The following GYS2 variants were observed in gnomAD, a reference collection of about 807,000 sequenced individuals.
GYS2 encodes glycogen [starch] synthase, liver.
Under a neutral mutation model 85.6 loss-of-function variants are expected in GYS2, and 80 were observed. That is an observed-to-expected ratio of 0.93 (90% CI 0.78 to 1.13). The LOEUF is 1.13. GYS2 is among the 50% of genes most tolerant of loss of function. The probability of loss-of-function intolerance (pLI) is 0.00; values close to 1 mark genes in which losing one functional copy is unlikely to be tolerated. For missense variants in GYS2, 881 were observed against 854.9 expected (o/e 1.03, Z -0.38); for synonymous variants, 328 against 300.7 (o/e 1.09, Z -0.94).
intron 15 of GYS2, among the ~76,000 whole-genome samples, chr12:21,537,974 C>G (rs984348837): frequency 2.0e-5 from 3 of 152,128 alleles, no homozygotes; most frequent in Non-Finnish European, 4.4e-5. Flanking sequence ...CATGTACAGT[C>G]ATTTTAAGGT....
chr12:21,534,916 G>T (rs1253368775), downstream of GYS2: 1 of 152,130 alleles, frequency 6.6e-6, no homozygotes, highest in Non-Finnish European at 1.5e-5. Flanking sequence ...CAACTATTAT[G>T]TACAAGGCAC....
At chr12:21,589,006 G>C (rs761435293) in intron 1 of GYS2, among the ~76,000 whole-genome samples, 12 of 152,178 alleles carry the variant, frequency 7.9e-5, no homozygotes, top group Non-Finnish European at 1.6e-4. Flanking sequence ...CTCCTCTTCT[G>C]TAGACTTATT....
intron 15 of GYS2, 65 bp from the exon 16 acceptor site, chr12:21,537,240 C>T (rs1420540877): frequency 6.4e-6 from 7 of 1,098,948 alleles, no homozygotes; most frequent in Admixed American, 1.9e-5. Context: ...GATGTAAATA[C>T]TATGCATGCA....
intron 1 of GYS2, among the ~76,000 whole-genome samples, chr12:21,602,399 T>C (rs1944765106): frequency 6.6e-6 from 1 of 152,056 alleles, no homozygotes; most frequent in Non-Finnish European, 1.5e-5. Context: ...ATCTCTAAGA[T>C]ACCTCATATC....
chr12:21,553,363 T>C (rs1420883872), intron 11 of GYS2, among the ~76,000 whole-genome samples: 1 of 152,266 alleles, frequency 6.6e-6, no homozygotes. Flanking sequence ...GGACTTAGTC[T>C]GCTGCCTTCT....
In GYS2 at chr12:21,567,144, G is replaced by A. The variant is rs950153446; in HGVS notation, c.823+1721C>T. On this transcript the variant is annotated intron_variant, in intron 5 of 15. Transcript: ENST00000261195. ...GATGATTTTTGGAAACACAATTTTAGGCCAGAGTTGGAGGTCGGAAGCCAG... is the reference window on the plus strand; with the variant it reads ...GATGATTTTTGGAAACACAATTTTAAGCCAGAGTTGGAGGTCGGAAGCCAG... 4.6e-5 allele frequency among the ~76,000 whole-genome samples: 7 copies of A among 152,234 alleles called. No homozygotes were observed. In the East Asian group the frequency reaches 1.4e-3, roughly 29 times the overall value.
intron 1 of GYS2, among the ~76,000 whole-genome samples, chr12:21,599,642 A>G (rs1944733305): frequency 6.6e-6 from 1 of 152,214 alleles, no homozygotes; most frequent in Non-Finnish European, 1.5e-5. Flanking sequence ...GATGCCATTG[A>G]CATGGCCCAC....
intron 12 of GYS2, 21 bp from the exon 13 acceptor site, chr12:21,542,612 A>C: frequency 6.5e-7 from 1 of 1,549,500 alleles, no homozygotes; most frequent in Non-Finnish European, 8.9e-7. Context: ...AAATAGACCA[A>C]AGCTTGGCTT....
intron 1 of GYS2, among the ~76,000 whole-genome samples, chr12:21,600,923 A>T (rs1191419088): frequency 1.3e-5 from 2 of 152,134 alleles, no homozygotes; most frequent in Non-Finnish European, 2.9e-5. Flanking sequence ...GGAAGCAGGT[A>T]AATTATGTCC....
chr12:21,585,260 A>G (rs1192809016), intron 1 of GYS2, among the ~76,000 whole-genome samples: 2 of 152,188 alleles, frequency 1.3e-5, no homozygotes, highest in African/African-American at 4.8e-5. Flanking sequence ...CAGGTGACAC[A>G]ATAATGATTC....
At chr12:21,595,353 G>T (rs1261575584) in intron 1 of GYS2, among the ~76,000 whole-genome samples, 1 of 152,208 alleles carries the variant, frequency 6.6e-6, no homozygotes, top group African/African-American at 2.4e-5. Context: ...CCCAACTGCG[G>T]AAGTGGGAAA....
chr12:21,580,817 G>T (rs1030609404), intron 1 of GYS2, among the ~76,000 whole-genome samples: 2 of 152,182 alleles, frequency 1.3e-5, no homozygotes, highest in Non-Finnish European at 2.9e-5. Context: ...AGTCTGAAAA[G>T]ACAATTGGAG....
intron 7 of GYS2, 53 bp from the exon 8 acceptor site, chr12:21,560,545 A>C: frequency 1.2e-6 from 1 of 855,408 alleles, no homozygotes; most frequent in Non-Finnish European, 2.1e-6. Flanking sequence ...TTTAAAAAGT[A>C]TGATAGATGG....
At chr12:21,562,281 T>C (rs1944262713) in intron 7 of GYS2, among the ~76,000 whole-genome samples, 1 of 152,064 alleles carries the variant, frequency 6.6e-6, no homozygotes, top group Non-Finnish European at 1.5e-5. Flanking sequence ...GGAGGTGGTG[T>C]GGCTGGGGAG....
intron 1 of GYS2, among the ~76,000 whole-genome samples, chr12:21,581,296 A>G (rs936688921): frequency 6.6e-6 from 1 of 152,226 alleles, no homozygotes; most frequent in African/African-American, 2.4e-5. Flanking sequence ...CTGAGACCAC[A>G]TCCTGGGCCT....
intron 2 of GYS2, among the ~76,000 whole-genome samples, chr12:21,577,843 A>G (rs1019371274): frequency 1.3e-5 from 2 of 152,190 alleles, no homozygotes; most frequent in Admixed American, 6.5e-5. Flanking sequence ...CTTTATTTAC[A>G]TATAAAACAC....
At position 21,570,045 on chromosome 12, in the gene GYS2, A is replaced by G. The variant is rs149453187; in HGVS notation, c.679-1036T>C. ...TATCATTGAGACTTCAACTCTATCA[A>G]GAAGTTAGTCCCAATAATTATGGCA... On this transcript the variant is annotated intron_variant, in intron 4 of 15. Coordinates refer to ENST00000261195, the MANE Select transcript of GYS2 (RefSeq NM_021957.4). Among the ~76,000 whole-genome samples the G allele has an allele frequency of 6.4e-4, 98 of 152,310 alleles. 1 individual carries two copies. The East Asian group carries it at 0.012, about 18-fold the overall frequency.
chr12:21,575,957 C>G lies in GYS2; in HGVS notation c.404G>C (p.Trp135Ser). The change falls in exon 3 of 16, where the codon TGG becomes TCG. Residue 135 changes from tryptophan to serine, a missense_variant. Physicochemically the swap from Trp to Ser is radical, Grantham distance 177. Coordinates refer to ENST00000261195, the MANE Select transcript of GYS2 (RefSeq NM_021957.4). ...WNLDRWKGDL[W>S]EACSVGIPYH... ...AGGAATGCCGACACTGCATGCTTCC[C>G]AGAGGTCACCCTTCCACCTGTCCAG... 6.2e-7 allele frequency: 1 copy of G among 1,613,860 alleles called. No individual in the cohort carries two copies. The highest frequency in any genetic ancestry group is 1.1e-5 in the South Asian group (1 of 91,076).
intron 1 of GYS2, among the ~76,000 whole-genome samples, chr12:21,590,025 C>T (rs1490575628): frequency 6.6e-6 from 1 of 152,064 alleles, no homozygotes; most frequent in Non-Finnish European, 1.5e-5. Flanking sequence ...GACTCCCCCA[C>T]CCCCAGTAGC....
Sources: gnomAD v4.1 joint callset for allele counts (sites outside exome capture counted in the v4.1 genomes callset) on GRCh38, gnomAD v4.1.1 for gene constraint, MANE v1.5 for transcripts, NCBI Gene and HGNC (gene_info 2026-07-23, HGNC 2026-07-21) for gene names.